The following TMEM131L variants were observed in gnomAD, a reference collection of about 807,000 sequenced individuals.
TMEM131L encodes transmembrane 131 like, also known as transmembrane protein 131-like.
A neutral mutation model predicts 192.2 loss-of-function variants in TMEM131L; 54 were observed. The observed-to-expected ratio is 0.28, with a 90% CI of 0.23 to 0.35. TMEM131L has a LOEUF of 0.35. Ranked by LOEUF, TMEM131L falls within the 10% of genes least tolerant of loss-of-function variation. The pLI is 1.00. For missense variants in TMEM131L, 1,888 were observed against 1,972.9 expected (o/e 0.96, Z 0.82); for synonymous variants, 701 against 704.9 (o/e 0.99, Z 0.09).
At chr4:153,498,368 C>T (rs1371734379) in intron 3 of TMEM131L, among the ~76,000 whole-genome samples, 1 of 152,152 alleles carries the variant, frequency 6.6e-6, no homozygotes, top group African/African-American at 2.4e-5. Context: ...AGGGCTGAGG[C>T]CAGCTTCCTT....
chr4:153,621,941 A>T, intron 28 of TMEM131L, 92 bp downstream of exon 28: 1 of 1,237,624 alleles, frequency 8.1e-7, no homozygotes. Context: ...CACCTCAGTG[A>T]TTTTATCTCT....
At position 153,587,815 on chromosome 4, in the gene TMEM131L, A is replaced by G; in HGVS notation, c.1552+4A>G. 6.2e-7 allele frequency: 1 copy of G among 1,609,234 alleles called. No homozygotes were observed. Among genetic ancestry groups the G allele is most frequent in the Non-Finnish European group, 8.5e-7 (1 of 1,175,590 alleles). On this transcript the variant is annotated splice_donor_region_variant and intron_variant, in intron 15 of 34. Coordinates refer to ENST00000409959, the MANE Select transcript of TMEM131L (RefSeq NM_001131007.2). ...TTCATGGGAAAATCAAAAGCAGGTA[A>G]GTATTTTGCCCTTAGGCTTTCTGTA...
chr4:153,608,271 T>C (rs1226517809), intron 25 of TMEM131L, among the ~76,000 whole-genome samples: 7 of 152,252 alleles, frequency 4.6e-5, no homozygotes, highest in African/African-American at 1.4e-4. Context: ...GCTCTGTTTT[T>C]CTACACTTGT....
At chr4:153,592,012 C>A (rs927743469) in intron 17 of TMEM131L, among the ~76,000 whole-genome samples, 27 of 152,186 alleles carry the variant, frequency 1.8e-4, no homozygotes, top group Non-Finnish European at 3.8e-4. Flanking sequence ...TTACCTCTAA[C>A]TTTCAGTGTG....
rs1216754257 is a variant in TMEM131L, at chr4:153,620,834, C to T, written c.3646C>T (p.Arg1216Ter). The change falls in exon 27 of 35, where the codon CGA becomes TGA. Residue 1216 changes from arginine to a stop codon, truncating the protein, a stop_gained. Transcript: ENST00000409959. LOFTEE classifies it high-confidence loss of function. The stretch of plus-strand genomic sequence containing the variant: ...ACAAAATTTAAATTGGAGTAAAAGT[C>T]GAACATGTAGAAAGAACAAGAAAAG... ...NLQNLNWSKS[R>*]TCRKNKKRGV... The T allele has an allele frequency of 1.3e-6, 2 of 1,599,152 alleles. No individual in the cohort carries two copies. The highest frequency in any genetic ancestry group is 1.8e-5 in the Admixed American group (1 of 57,136).
At chr4:153,584,710 G>A (rs991485014) in intron 11 of TMEM131L, 125 bp from the exon 12 acceptor site, 2 of 561,056 alleles carry the variant, frequency 3.6e-6, no homozygotes, top group African/African-American at 3.8e-5. Flanking sequence ...TTTTATGTCT[G>A]ATTCACTATT....
intron 30 of TMEM131L, among the ~76,000 whole-genome samples, 199 bp downstream of exon 30, chr4:153,626,424 G>T (rs544989227): frequency 5.3e-5 from 8 of 152,136 alleles, no homozygotes; most frequent in Non-Finnish European, 1.2e-4. Context: ...CTCAGGTATC[G>T]CTATTTTTTT....
At chr4:153,489,254 C>T (rs1488223891) in intron 3 of TMEM131L, among the ~76,000 whole-genome samples, 2 of 152,114 alleles carry the variant, frequency 1.3e-5, no homozygotes, top group Non-Finnish European at 2.9e-5. Flanking sequence ...ATGTGTGAAG[C>T]GATCCACTGT....
At chr4:153,617,029 C>T (rs1043323393) in intron 26 of TMEM131L, among the ~76,000 whole-genome samples, 5 of 152,152 alleles carry the variant, frequency 3.3e-5, no homozygotes, top group African/African-American at 7.2e-5. Context: ...TTGTCTGTGT[C>T]CCTACCCAAA....
At chr4:153,571,338 C>T (rs1729578008) in intron 7 of TMEM131L, among the ~76,000 whole-genome samples, 2 of 152,172 alleles carry the variant, frequency 1.3e-5, no homozygotes, top group South Asian at 4.1e-4. Flanking sequence ...ACTTCTCAAG[C>T]ATATTCCCTC....
intron 29 of TMEM131L, among the ~76,000 whole-genome samples, chr4:153,625,231 C>T (rs1034843666): frequency 3.3e-5 from 5 of 152,122 alleles, no homozygotes; most frequent in Admixed American, 3.3e-4. Flanking sequence ...GCCAACGTAG[C>T]AAAACCCCAT....
intron 3 of TMEM131L, among the ~76,000 whole-genome samples, chr4:153,547,990 A>G (rs1472601304): frequency 6.6e-6 from 1 of 151,732 alleles, no homozygotes; most frequent in Non-Finnish European, 1.5e-5. Flanking sequence ...ACTTTTCTCA[A>G]AATTATTTTT....
chr4:153,538,472 C>T (rs1736510176), intron 3 of TMEM131L, among the ~76,000 whole-genome samples: 1 of 152,210 alleles, frequency 6.6e-6, no homozygotes, highest in East Asian at 1.9e-4. Flanking sequence ...AGGAACCATC[C>T]TTTCCATACT....
Position 153,583,603 on chromosome 4 carries a change from C to T in TMEM131L, c.991C>T (p.Gln331Ter). Residue 331 changes from glutamine to a stop codon, truncating the protein, a stop_gained, in exon 11 of 35, where the codon CAG (glutamine) becomes TAG (stop). Coordinates refer to ENST00000409959, the MANE Select transcript of TMEM131L (RefSeq NM_001131007.2). LOFTEE classifies it high-confidence loss of function. ...HFSQRDALSL[Q>*]FEPVLLPTST... ...CTCACAGAGAGATGCTCTGTCTCTG[C>T]AGTTTGAACCAGTACTACTACCTAC... 6.2e-7 allele frequency: 1 copy of T among 1,611,828 alleles called. No individual in the cohort carries two copies. The highest frequency in any genetic ancestry group is 8.5e-7 in the Non-Finnish European group (1 of 1,179,070).
intron 3 of TMEM131L, among the ~76,000 whole-genome samples, chr4:153,509,576 A>T (rs1734215323): frequency 6.6e-6 from 1 of 151,988 alleles, no homozygotes. Context: ...AAATACCAAA[A>T]TCAGCCAGGT....
At chr4:153,485,406 C>G (rs971457663) in intron 3 of TMEM131L, among the ~76,000 whole-genome samples, 1 of 152,180 alleles carries the variant, frequency 6.6e-6, no homozygotes, top group Non-Finnish European at 1.5e-5. Context: ...TGAACTTCTT[C>G]TGTAGGAAAG....
intron 25 of TMEM131L, among the ~76,000 whole-genome samples, chr4:153,608,162 C>A (rs1415231933): frequency 2.6e-5 from 4 of 152,044 alleles, no homozygotes; most frequent in Non-Finnish European, 2.9e-5. Context: ...AAAATGTGTC[C>A]CTTTTCTACT....
At chr4:153,501,765 C>T (rs1323460605) in intron 3 of TMEM131L, among the ~76,000 whole-genome samples, 1 of 151,940 alleles carries the variant, frequency 6.6e-6, no homozygotes, top group Non-Finnish European at 1.5e-5. Flanking sequence ...GAGGGCAGGC[C>T]AGGACTGAGG....
intron 5 of TMEM131L, 37 bp from the exon 6 acceptor site, chr4:153,556,929 G>T (rs1358706763): frequency 1.1e-6 from 1 of 919,636 alleles, no homozygotes; most frequent in East Asian, 2.4e-5. Flanking sequence ...ATCAAAGGAG[G>T]CCATTCCAAG....
Sources: gnomAD v4.1 joint callset for allele counts (sites outside exome capture counted in the v4.1 genomes callset) on GRCh38, gnomAD v4.1.1 for gene constraint, MANE v1.5 for transcripts, NCBI Gene and HGNC (gene_info 2026-07-23, HGNC 2026-07-21) for gene names.